The following KIRREL3 variants were observed in gnomAD, a reference collection of about 807,000 sequenced individuals.
The protein encoded by KIRREL3 is kirre like nephrin family adhesion molecule 3, also known as kin of IRRE-like protein 3.
A neutral mutation model predicts 89.7 loss-of-function variants in KIRREL3; 36 were observed. That is an observed-to-expected ratio of 0.40 (90% confidence interval 0.31 to 0.53). The LOEUF (loss-of-function observed/expected upper bound fraction) is 0.53, where lower values mean the gene tolerates loss of function less well. KIRREL3 is among the 20% of genes least tolerant of loss of function. The probability of loss-of-function intolerance (pLI) is 0.49; values close to 1 mark genes in which losing one functional copy is unlikely to be tolerated. For synonymous variants in KIRREL3, 445 were observed against 441.4 expected, an observed-to-expected ratio of 1.01 and a Z score of -0.10; for missense variants, 864 against 1,056.6, an observed-to-expected ratio of 0.82 and a Z score of 2.53.
intron 1 of KIRREL3, among the ~76,000 whole-genome samples, chr11:126,950,031 GTT>G: frequency 6.6e-6 from 1 of 152,086 alleles, no homozygotes; most frequent in Non-Finnish European, 1.5e-5. Context: ...TTTCTTCCTT[GTT>G]TTTTTTAAAT....
rs1232484665 is a variant in KIRREL3 at position 126,527,323 on chromosome 11, G to A, written c.134-636C>T. On this transcript the variant is annotated intron_variant, in intron 2 of 16. Transcript: ENST00000525144. This position sits in a 1 kb window ranked among gnomAD's most constrained non-coding sequence, Gnocchi z 4.2. ...CTTTTCTGCAGCAGACCTTACTCCA[G>A]CCTCACAATCACTTGGGAAAAAATC... is the stretch of plus-strand genomic sequence containing the variant. Among the ~76,000 whole-genome samples, 1 of 152,060 alleles carries A rather than the reference G, an allele frequency of 6.6e-6. No homozygotes were observed. The highest frequency in any genetic ancestry group is 1.5e-5 in the Non-Finnish European group (1 of 68,042).
intron 1 of KIRREL3, among the ~76,000 whole-genome samples, chr11:126,845,646 G>C (rs1243055984): frequency 6.6e-6 from 1 of 152,032 alleles, no homozygotes; most frequent in Non-Finnish European, 1.5e-5. Flanking sequence ...TGGCAGCCTG[G>C]GTTCATGGCT....
rs917696539 is a variant in KIRREL3 at position 126,710,540 on chromosome 11, G to A, written c.56-147628C>T. ...CCAGTTAACGTGTATGCAGATGGGA[G>A]CTTGGAGGACTATTTTGCTAAATGA... On this transcript the variant is annotated intron_variant, in intron 1 of 16. Coordinates refer to ENST00000525144, the MANE Select transcript of KIRREL3 (RefSeq NM_032531.4). The surrounding 1 kb of genome is among the most constrained non-coding windows in gnomAD (Gnocchi z 4.2). 6.6e-6 allele frequency among the ~76,000 whole-genome samples: 1 copy of A among 152,148 alleles called. No homozygotes were observed. The highest frequency in any genetic ancestry group is 1.5e-5 in the Non-Finnish European group (1 of 68,012).
Position 126,441,922 on chromosome 11 carries a change from T to A in KIRREL3, c.1253-1373A>T, listed in dbSNP as rs1955581259. 6.6e-6 allele frequency among the ~76,000 whole-genome samples: 1 copy of A among 152,028 alleles called. No homozygotes were observed. Among genetic ancestry groups the A allele is most frequent in the Non-Finnish European group, 1.5e-5 (1 of 68,012 alleles). On this transcript the variant is annotated intron_variant, in intron 10 of 16. Transcript: ENST00000525144. This position sits in a 1 kb window ranked among gnomAD's most constrained non-coding sequence, Gnocchi z 5.0. ...ACCCAAAGAGATGAGGAGATTGATG[T>A]TTTAGGAACCGGATGGTGCTTTGTT... is the stretch of plus-strand genomic sequence containing the variant.
chr11:126,509,576 T>G (rs1958134345), intron 4 of KIRREL3, among the ~76,000 whole-genome samples: 1 of 152,258 alleles, frequency 6.6e-6, no homozygotes, highest in African/African-American at 2.4e-5. Flanking sequence ...ATTCCCATGA[T>G]GGACCCAGAT....
Position 126,896,705 on chromosome 11 carries a change from G to A in KIRREL3, c.55+103750C>T, listed in dbSNP as rs1260876974. On this transcript the variant is annotated intron_variant, in intron 1 of 16. Transcript: ENST00000525144. This position sits in a 1 kb window ranked among gnomAD's most constrained non-coding sequence, Gnocchi z 4.1. Reference sequence around the variant, plus strand: ...GCCGTTGCTCTTCTCAGACACCCAGGGGAGGGGTTCCATGGCCACAGCAAG... The same window carrying A: ...GCCGTTGCTCTTCTCAGACACCCAGAGGAGGGGTTCCATGGCCACAGCAAG... Among the ~76,000 whole-genome samples, 1 of 152,120 alleles carries A rather than the reference G, an allele frequency of 6.6e-6. No homozygotes were observed. The highest frequency in any genetic ancestry group is 1.5e-5 in the Non-Finnish European group (1 of 68,020).
At position 126,517,136 on chromosome 11, in the gene KIRREL3, AAGAG is replaced by A. The variant is rs199586143; in HGVS notation, c.433+4175_433+4178del. Among the ~76,000 whole-genome samples the A allele has an allele frequency of 4.1e-3, 576 of 140,770 alleles. 6 individuals are homozygous for A. Among genetic ancestry groups the A allele is most frequent in the South Asian group, 0.026 (112 of 4,290 alleles). 92.4% of individuals were successfully genotyped at this position (140,770 alleles called of 152,430 possible). A position where few individuals can be genotyped will look rare whatever the true frequency, so the allele number is the denominator to read the frequency against. On this transcript the variant is annotated intron_variant, in intron 4 of 16. Transcript: ENST00000525144. ...TTAGAGATTGAGAGAGAGAGAGAGA[AAGAG>A]AGAGAGAGAGAGAGAGAGAGAGAGA... is the stretch of plus-strand genomic sequence containing the variant.
At position 126,498,572 on chromosome 11, in the gene KIRREL3, TC is replaced by T. The variant is rs1957749256; in HGVS notation, c.433+22742del. Among the ~76,000 whole-genome samples, 1 of 152,146 alleles carries T rather than the reference TC, an allele frequency of 6.6e-6. No individual in the cohort carries two copies. The highest frequency in any genetic ancestry group is 2.1e-4 in the South Asian group (1 of 4,826). On this transcript the variant is annotated intron_variant, in intron 4 of 16. Coordinates refer to ENST00000525144, the MANE Select transcript of KIRREL3 (RefSeq NM_032531.4). This position sits in a 1 kb window ranked among gnomAD's most constrained non-coding sequence, Gnocchi z 4.3. ...CTAGAAATTGTTTTCAGTTAAATAT[TC>T]CCAGAGAGGTGCTAATGGTCTCCGG...
rs745934698 is a variant in KIRREL3 at position 126,989,718 on chromosome 11, C to G, written c.55+10737G>C. ...AGGCATGACGAAGTCTTAGGGCCAACAGGGGAACGAAGTCTTAGGGCCAAC... is the reference window on the plus strand; with the variant it reads ...AGGCATGACGAAGTCTTAGGGCCAAGAGGGGAACGAAGTCTTAGGGCCAAC... On this transcript the variant is annotated intron_variant, in intron 1 of 16. Coordinates refer to ENST00000525144, the MANE Select transcript of KIRREL3 (RefSeq NM_032531.4). This position sits in a 1 kb window ranked among gnomAD's most constrained non-coding sequence, Gnocchi z 6.2. Among the ~76,000 whole-genome samples, 3 of 152,172 alleles carry G rather than the reference C, an allele frequency of 2.0e-5. No individual in the cohort carries two copies. The highest frequency in any genetic ancestry group is 4.4e-5 in the Non-Finnish European group (3 of 68,024).
In KIRREL3 at chr11:126,682,965, G is replaced by A. The variant is rs757573685; in HGVS notation, c.56-120053C>T. ...GACCTCCTGGGCTCAAGCAATCCTC[G>A]CACCTCAGCCTCCCAAGTAGCTAGG... On this transcript the variant is annotated intron_variant, in intron 1 of 16. Coordinates refer to ENST00000525144, the MANE Select transcript of KIRREL3 (RefSeq NM_032531.4). This position sits in a 1 kb window ranked among gnomAD's most constrained non-coding sequence, Gnocchi z 4.8. Among the ~76,000 whole-genome samples the A allele has an allele frequency of 7.9e-5, 12 of 151,944 alleles. No individual in the cohort carries two copies. Among genetic ancestry groups the A allele is most frequent in the Non-Finnish European group, 1.2e-4 (8 of 67,988 alleles).
At chr11:126,444,847 G>T in intron 10 of KIRREL3, 132 bp downstream of exon 10, 1 of 1,218,838 alleles carries the variant, frequency 8.2e-7, no homozygotes, top group Non-Finnish European at 1.1e-6. Flanking sequence ...CCTAATTGTT[G>T]TCTACCCATA....
Position 126,637,493 on chromosome 11 carries a change from T to C in KIRREL3, c.56-74581A>G, listed in dbSNP as rs552822542. On this transcript the variant is annotated intron_variant, in intron 1 of 16. Coordinates refer to ENST00000525144, the MANE Select transcript of KIRREL3 (RefSeq NM_032531.4). The stretch of plus-strand genomic sequence containing the variant: ...CAGCCTCCAGCCTCCTGCTCAAGCC[T>C]CTGCCTATTTGTCCAGAACCCTGGT... 8.0e-4 allele frequency among the ~76,000 whole-genome samples: 122 copies of C among 152,316 alleles called. 1 individual carries two copies. The highest frequency in any genetic ancestry group is 1.5e-3 in the Non-Finnish European group (102 of 68,020).
In KIRREL3 at chr11:126,876,775, T is replaced by C. The variant is rs1355701041; in HGVS notation, c.55+123680A>G. Among the ~76,000 whole-genome samples the C allele has an allele frequency of 6.6e-6, 1 of 152,136 alleles. No individual in the cohort carries two copies. The highest frequency in any genetic ancestry group is 1.5e-5 in the Non-Finnish European group (1 of 68,018). On this transcript the variant is annotated intron_variant, in intron 1 of 16. Coordinates refer to ENST00000525144, the MANE Select transcript of KIRREL3 (RefSeq NM_032531.4). This position sits in a 1 kb window ranked among gnomAD's most constrained non-coding sequence, Gnocchi z 4.1. The stretch of plus-strand genomic sequence containing the variant: ...GGCTGGTTTTGAACTCATGACCTGA[T>C]CTGCCCGCCTCAGCCTCCCGAAGTG...
intron 1 of KIRREL3, among the ~76,000 whole-genome samples, chr11:126,820,966 C>T (rs959641731): frequency 3.3e-5 from 5 of 152,010 alleles, no homozygotes; most frequent in African/African-American, 1.2e-4. Flanking sequence ...GTGTTTCGAG[C>T]TTACTAGGTC....
At position 126,569,441 on chromosome 11, in the gene KIRREL3, A is replaced by G. The variant is rs565576165; in HGVS notation, c.56-6529T>C. Among the ~76,000 whole-genome samples the G allele has an allele frequency of 2.0e-5, 3 of 152,312 alleles. No homozygotes were observed. In the South Asian group the frequency reaches 6.2e-4, roughly 32 times the overall value. Reference sequence around the variant, plus strand: ...TACCCCTCTGGAACCAGGACACATTAATAAATGTGACTGGTGTAAAGTCCA... The same window carrying G: ...TACCCCTCTGGAACCAGGACACATTGATAAATGTGACTGGTGTAAAGTCCA... On this transcript the variant is annotated intron_variant, in intron 1 of 16. Coordinates refer to ENST00000525144, the MANE Select transcript of KIRREL3 (RefSeq NM_032531.4). This position sits in a 1 kb window ranked among gnomAD's most constrained non-coding sequence, Gnocchi z 6.5.
intron 1 of KIRREL3, among the ~76,000 whole-genome samples, chr11:126,910,007 A>G (rs1000627605): frequency 6.6e-6 from 1 of 152,190 alleles, no homozygotes; most frequent in African/African-American, 2.4e-5. Context: ...GGGTTGTAAA[A>G]GATAAAACAT....
At chr11:126,465,859 C>T (rs1956705833) in intron 5 of KIRREL3, among the ~76,000 whole-genome samples, 1 of 152,188 alleles carries the variant, frequency 6.6e-6, no homozygotes, top group South Asian at 2.1e-4. Context: ...CAGACCTCAT[C>T]GAGTCTATAA....
Position 126,614,605 on chromosome 11 carries a change from CT to C in KIRREL3, c.56-51694del, listed in dbSNP as rs1449277431. 6.6e-6 allele frequency among the ~76,000 whole-genome samples: 1 copy of C among 152,168 alleles called. No individual in the cohort carries two copies. Among genetic ancestry groups the C allele is most frequent in the Non-Finnish European group, 1.5e-5 (1 of 68,036 alleles). On this transcript the variant is annotated intron_variant, in intron 1 of 16. Transcript: ENST00000525144. This position sits in a 1 kb window ranked among gnomAD's most constrained non-coding sequence, Gnocchi z 4.6. The stretch of plus-strand genomic sequence containing the variant: ...ATCATCAAGCCAGAGATGAGGACCC[CT>C]GGTGCAGGTGATCTCAGATGTCCCT...
rs1948859941 is a variant in KIRREL3, at chr11:126,954,319, G to C, written c.55+46136C>G. Among the ~76,000 whole-genome samples, 1 of 150,752 alleles carries C rather than the reference G, an allele frequency of 6.6e-6. No homozygotes were observed. The highest frequency in any genetic ancestry group is 2.4e-5 in the African/African-American group (1 of 41,082). On this transcript the variant is annotated intron_variant, in intron 1 of 16. Coordinates refer to ENST00000525144, the MANE Select transcript of KIRREL3 (RefSeq NM_032531.4). This position sits in a 1 kb window ranked among gnomAD's most constrained non-coding sequence, Gnocchi z 4.1. ...GACATTTTATTTTATAGTCACGTTA[G>C]AGTTGAGTTCAGACTTATTTTGTGC...
Sources: allele counts gnomAD v4.1 joint callset (sites outside exome capture counted in the v4.1 genomes callset), GRCh38; gene constraint gnomAD v4.1.1; non-coding constraint Gnocchi (gnomAD v3.1); transcripts MANE v1.5; gene names NCBI Gene and HGNC (gene_info 2026-07-23, HGNC 2026-07-21).